RASIP1: variants seen among roughly 807,000 people sequenced by gnomAD.
The protein encoded by RASIP1 is ras-interacting protein 1.
A neutral mutation model predicts 85.3 loss-of-function variants in RASIP1; 20 were observed. The observed-to-expected ratio is 0.23, with a 90% CI of 0.17 to 0.34. The LOEUF (loss-of-function observed/expected upper bound fraction) is 0.34, where lower values mean the gene tolerates loss of function less well. Ranked by LOEUF, RASIP1 falls within the 10% of genes least tolerant of loss-of-function variation. The probability of loss-of-function intolerance (pLI) is 1.00; values close to 1 mark genes in which losing one functional copy is unlikely to be tolerated. For synonymous variants in RASIP1, 617 were observed against 647.1 expected (o/e 0.95, Z 0.71); for missense variants, 1,170 against 1,390.9 (o/e 0.84, Z 2.53).
In RASIP1 at chr19:48,721,956, C is replaced by G. The variant is rs374430911; in HGVS notation, c.2590G>C (p.Ala864Pro). Residue 864 changes from alanine (A) to proline (P), a missense_variant, in exon 11 of 12, where the codon GCC (alanine) becomes CCC (proline). Physicochemically the swap from Ala to Pro is conservative, Grantham distance 27. Transcript: ENST00000222145. ...LRTDHPTLTP[A>P]QLHHLLSHYQ... ...TGGCTGAGCAGATGGTGCAGCTGGGCGGGGGTCAAGGTGGGGTGGTCGGTT... is the reference window on the plus strand; with the variant it reads ...TGGCTGAGCAGATGGTGCAGCTGGGGGGGGGTCAAGGTGGGGTGGTCGGTT... The G allele has an allele frequency of 4.5e-6, 7 of 1,545,502 alleles. No homozygotes were observed. In the Admixed American group the frequency reaches 1.4e-4, roughly 30 times the overall value.
rs763487005 is a variant in RASIP1 at position 48,720,900 on chromosome 19, C to A, written c.2790G>T (p.Leu930Phe). Residue 930 changes from leucine to phenylalanine, a missense_variant, in exon 12 of 12, where the codon TTG becomes TTT. Leu to Phe is a conservative substitution (Grantham distance 22). Coordinates refer to ENST00000222145, the MANE Select transcript of RASIP1 (RefSeq NM_017805.3). ...RLTGPVTDDA[L>F]HRELRRLRRL... ...GGCGGAGCCTACGGAGTTCACGGTG[C>A]AAGGCATCGTCCGTCACTGGACCAG... 1 of 1,613,938 alleles carries A rather than the reference C, an allele frequency of 6.2e-7. No homozygotes were observed. The highest frequency in any genetic ancestry group is 8.5e-7 in the Non-Finnish European group (1 of 1,179,996).
At position 48,739,078 on chromosome 19, in the gene RASIP1, C is replaced by T. The variant is rs907417443; in HGVS notation, c.705G>A (p.Pro235=). The T allele has an allele frequency of 1.9e-5, 24 of 1,292,202 alleles. No homozygotes were observed. The highest frequency in any genetic ancestry group is 2.2e-5 in the Non-Finnish European group (23 of 1,024,278). The allele number at this position is 1,292,202 out of a possible 1,614,324, so 80.0% of individuals were successfully genotyped here. Residue 235 remains proline, a synonymous_variant, in exon 3 of 12, where the codon CCG becomes CCA. Transcript: ENST00000222145. This position sits in a 1 kb window ranked among gnomAD's most constrained non-coding sequence, Gnocchi z 9.2. The part of the protein sequence containing the change: ...HLRVLGDSER[P]LLVQELWRAR... ...CCCGCCACAGCTCCTGCACCAGCAGCGGGCGCTCGGAGTCGCCCAGCACGC... is the reference window on the plus strand; with the variant it reads ...CCCGCCACAGCTCCTGCACCAGCAGTGGGCGCTCGGAGTCGCCCAGCACGC...
In RASIP1 at chr19:48,720,647, C is replaced by T. The variant is rs372524255; in HGVS notation, c.*151G>A. The T allele has an allele frequency of 1.4e-5, 11 of 814,400 alleles. No homozygotes were observed. Among genetic ancestry groups the T allele is most frequent in the African/African-American group, 1.7e-5 (1 of 58,584 alleles). The allele number at this position is 814,400 out of a possible 1,614,324, so 50.4% of individuals were successfully genotyped here. On this transcript the variant is annotated 3_prime_UTR_variant, in exon 12 of 12. Transcript: ENST00000222145. The stretch of plus-strand genomic sequence containing the variant: ...TCACATCCTAAGCCCATGCTCCCAC[C>T]GTCCCATCCGCTACTTCCCGAAAAC...
At position 48,726,941 on chromosome 19, in the gene RASIP1, C is replaced by T. The variant is rs970745874; in HGVS notation, c.2024-53G>A. On this transcript the variant is annotated intron_variant, in intron 7 of 11. Coordinates refer to ENST00000222145, the MANE Select transcript of RASIP1 (RefSeq NM_017805.3). ...AGAACCAGAAGTCGGCAGCCAGGAG[C>T]CCAGGTCCCCAGGTGCAGGGCATGA... 40 of 1,609,392 alleles carry T rather than the reference C, an allele frequency of 2.5e-5. 1 individual carries two copies. The South Asian group carries it at 4.1e-4, about 16-fold the overall frequency.
chr19:48,735,361 C>T lies in RASIP1; in HGVS notation c.1014G>A (p.Arg338=). ...GTGCCTGCTGTCTCCGCTCCTGCTG[C>T]CGCCGCCGCCGCCCCTGAAGGCTAA... ...SELSLQGRRR[R]QQERRQQALS... is the part of the protein sequence containing the mutation. Residue 338 remains arginine (R), a synonymous_variant, in exon 4 of 12, where the codon CGG becomes CGA. Coordinates refer to ENST00000222145, the MANE Select transcript of RASIP1 (RefSeq NM_017805.3). The T allele has an allele frequency of 3.1e-6, 5 of 1,611,850 alleles. No individual in the cohort carries two copies. Among genetic ancestry groups the T allele is most frequent in the Non-Finnish European group, 3.4e-6 (4 of 1,179,454 alleles).
rs200707996 is a variant in RASIP1 at position 48,727,068 on chromosome 19, C to A, written c.1962G>T (p.Thr654=). ...RPLMLWMANT[T]ELLSFVQEKV... ...TCTCCTGCACAAAGCTAAGCAGCTC[C>A]GTGGTGTTGGCCATCCACAGCATGA... The change falls in exon 7 of 12, where the codon ACG becomes ACT. Residue 654 remains threonine (T), a synonymous_variant. Transcript: ENST00000222145. 3.5e-5 allele frequency: 56 copies of A among 1,614,068 alleles called. No homozygotes were observed. The highest frequency in any genetic ancestry group is 4.7e-5 in the Non-Finnish European group (55 of 1,180,050).
chr19:48,734,576 C>G (rs2122469385), intron 4 of RASIP1, among the ~76,000 whole-genome samples: 1 of 151,662 alleles, frequency 6.6e-6, no homozygotes. Flanking sequence ...CAACCTCTGC[C>G]TTCCGGGTTC....
At chr19:48,721,106 C>T (rs2033227192) in intron 11 of RASIP1, 109 bp from the exon 12 acceptor site, 1 of 931,916 alleles carries the variant, frequency 1.1e-6, no homozygotes, top group Non-Finnish European at 1.6e-6. Flanking sequence ...AACTACAAAC[C>T]CCAGCAACTC....
In RASIP1 at chr19:48,735,711, C is replaced by T. The variant is rs1393125733; in HGVS notation, c.824-160G>A. On this transcript the variant is annotated intron_variant, in intron 3 of 11. Transcript: ENST00000222145. ...ATTCTGTTCCCTGTGCGTGGAACAC[C>T]TTTCTGTCCTGATTAATACCCATCT... Among the ~76,000 whole-genome samples the T allele has an allele frequency of 2.6e-5, 4 of 152,252 alleles. No individual in the cohort carries two copies. In the South Asian group the frequency reaches 8.3e-4, roughly 32 times the overall value.
Position 48,729,097 on chromosome 19 carries a change from T to G in RASIP1, c.1673A>C (p.Glu558Ala). 1 of 1,372,916 alleles carries G rather than the reference T, an allele frequency of 7.3e-7. No homozygotes were observed. 85.0% of individuals were successfully genotyped at this position (1,372,916 alleles called of 1,614,324 possible). A position where few individuals can be genotyped will look rare whatever the true frequency, so the allele number is the denominator to read the frequency against. The change falls in exon 5 of 12, where the codon GAG becomes GCG. Residue 558 changes from glutamate to alanine, a missense_variant. By Grantham distance (107) the Glu-to-Ala change is moderately radical. This residue lies in a region of RASIP1 where 426 missense variants were observed against 576.2 expected (regional missense o/e 0.74). Coordinates refer to ENST00000222145, the MANE Select transcript of RASIP1 (RefSeq NM_017805.3). ...GCCGGCGGCTGCGGCGCGCACGATC[T>G]CGCCCAGCAGCGCCTCCTCCTCGCG... The part of the protein sequence containing the change: ...RPREEEALLG[E>A]IVRAAAAGSG...
At chr19:48,733,687 A>G (rs563927407) in intron 4 of RASIP1, among the ~76,000 whole-genome samples, 1 of 152,200 alleles carries the variant, frequency 6.6e-6, no homozygotes, top group Middle Eastern at 3.4e-3. Flanking sequence ...GGCGCCTATA[A>G]TCCCAGCTAC....
chr19:48,727,680 TTC>T (rs1034018229), intron 5 of RASIP1, among the ~76,000 whole-genome samples: 8 of 149,658 alleles, frequency 5.3e-5, no homozygotes, highest in African/African-American at 1.5e-4. Flanking sequence ...TTCATACGGA[TTC>T]TTTTTTTTTT....
intron 4 of RASIP1, among the ~76,000 whole-genome samples, chr19:48,732,963 C>G (rs1388707819): frequency 6.6e-6 from 1 of 152,204 alleles, no homozygotes; most frequent in Non-Finnish European, 1.5e-5. Flanking sequence ...ACTTGTTTAG[C>G]TTGGCTGTAC....
intron 8 of RASIP1, among the ~76,000 whole-genome samples, chr19:48,726,293 C>G (rs1175142202): frequency 1.3e-5 from 2 of 150,620 alleles, no homozygotes; most frequent in Non-Finnish European, 1.5e-5. Flanking sequence ...ATGAAGTAAT[C>G]TTGGTTCACT....
Position 48,729,585 on chromosome 19 carries a change from A to G in RASIP1, c.1185T>C (p.Phe395=). The stretch of plus-strand genomic sequence containing the variant: ...GCTCTCGCGTCATCACATACACCAC[A>G]AAGTCCTGGAGGGGAAACGAGGATG... ...LLQGYQDAQD[F]VVYVMTREQH... The change falls in exon 5 of 12, where the codon TTT becomes TTC. Residue 395 remains phenylalanine, a synonymous_variant. Transcript: ENST00000222145. 6.3e-7 allele frequency: 1 copy of G among 1,594,240 alleles called. No homozygotes were observed. The highest frequency in any genetic ancestry group is 2.3e-5 in the East Asian group (1 of 43,646).
rs762669201 is a variant in RASIP1 at position 48,735,405 on chromosome 19, G to A, written c.970C>T (p.Arg324Trp). 3 of 1,612,044 alleles carry A rather than the reference G, an allele frequency of 1.9e-6. No homozygotes were observed. Among genetic ancestry groups the A allele is most frequent in the African/African-American group, 1.3e-5 (1 of 74,916 alleles). Residue 324 changes from arginine (R) to tryptophan (W), a missense_variant, in exon 4 of 12, where the codon CGG becomes TGG. Arg to Trp is a moderately radical substitution (Grantham distance 101). Around this residue, in one of 4 missense-constraint regions of RASIP1, gnomAD observed 301 missense variants for 294.8 expected, o/e 1.02. Coordinates refer to ENST00000222145, the MANE Select transcript of RASIP1 (RefSeq NM_017805.3). ...AGGCTAAGCTCCGACACGCTGCGCCGCAAAGACAAGTTTTCTGAGCGCTCC... is the reference window on the plus strand; with the variant it reads ...AGGCTAAGCTCCGACACGCTGCGCCACAAAGACAAGTTTTCTGAGCGCTCC... ...GKERSENLSL[R>W]RSVSELSLQG...
chr19:48,733,708 G>A (rs565520229), intron 4 of RASIP1, among the ~76,000 whole-genome samples: 4 of 152,064 alleles, frequency 2.6e-5, no homozygotes, highest in Admixed American at 2.0e-4. Flanking sequence ...TCAGGAGGCC[G>A]AGGCAGGAGA....
In RASIP1 at chr19:48,740,370, G is replaced by A. The variant is rs1264966638; in HGVS notation, c.-4-84C>T. On this transcript the variant is annotated intron_variant, in intron 1 of 11. Coordinates refer to ENST00000222145, the MANE Select transcript of RASIP1 (RefSeq NM_017805.3). This position sits in a 1 kb window ranked among gnomAD's most constrained non-coding sequence, Gnocchi z 5.5. ...GGGAACCTGGACTCCGAGTCAGAGG[G>A]AGGAGGGGGCTGGGGCTCAGACTTG... 3 of 1,490,540 alleles carry A rather than the reference G, an allele frequency of 2.0e-6. No homozygotes were observed. In the Admixed American group the frequency reaches 7.3e-5, roughly 36 times the overall value. 92.3% of individuals were successfully genotyped at this position (1,490,540 alleles called of 1,614,324 possible).
At chr19:48,721,719 C>T in intron 11 of RASIP1, 135 bp downstream of exon 11, 5 of 1,191,046 alleles carry the variant, frequency 4.2e-6, no homozygotes, top group Non-Finnish European at 5.7e-6. Flanking sequence ...AGGAGAATCG[C>T]TTGAACCCGG....
Sources: gnomAD v4.1 joint callset for allele counts (sites outside exome capture counted in the v4.1 genomes callset) on GRCh38, gnomAD v4.1.1 for gene constraint, gnomAD v4.1.1 regional missense constraint, Gnocchi (gnomAD v3.1) non-coding constraint, MANE v1.5 for transcripts, NCBI Gene and HGNC (gene_info 2026-07-23, HGNC 2026-07-21) for gene names.